The following PNPT1 variants were observed in gnomAD, a reference collection of about 807,000 sequenced individuals.
PNPT1 encodes polyribonucleotide nucleotidyltransferase 1, mitochondrial.
In PNPT1, 53 loss-of-function variants were observed where a neutral mutation model predicts 119.5. The observed-to-expected ratio is 0.44, with a 90% CI of 0.36 to 0.56. PNPT1 has a LOEUF of 0.56. Among genes scored for constraint, PNPT1 ranks in the 20% least tolerant of loss-of-function variants. PNPT1 has a pLI of 0.00. For synonymous variants in PNPT1, 357 were observed against 322.1 expected (o/e 1.11, Z -1.16); for missense variants, 948 against 938.5 (o/e 1.01, Z -0.13).
chr2:55,640,484 T>C (rs1695803260), intron 26 of PNPT1, 143 bp downstream of exon 26: 1 of 728,656 alleles, frequency 1.4e-6, no homozygotes, highest in African/African-American at 1.8e-5. Flanking sequence ...TGTAAAACTT[T>C]TTGCCAGCAG....
rs2104168371 is a variant in PNPT1 at position 55,683,773 on chromosome 2, A to G, written c.453+12T>C. 3.1e-6 allele frequency: 5 copies of G among 1,607,632 alleles called. No individual in the cohort carries two copies. In the South Asian group the frequency reaches 4.4e-5, roughly 14 times the overall value. ...TTGATCTGGCAACTAAAAAACCTAAAGCAGAATCTACCTGTGTATCATAGA... is the reference window on the plus strand; with the variant it reads ...TTGATCTGGCAACTAAAAAACCTAAGGCAGAATCTACCTGTGTATCATAGA... On this transcript the variant is annotated intron_variant, in intron 5 of 27. Coordinates refer to ENST00000447944, the MANE Select transcript of PNPT1 (RefSeq NM_033109.5).
At chr2:55,693,567 C>A in intron 1 of PNPT1, 96 bp downstream of exon 1, 1 of 1,522,358 alleles carries the variant, frequency 6.6e-7, no homozygotes, top group Non-Finnish European at 9.0e-7. Flanking sequence ...TTAAATAGAG[C>A]TGGGATACCG....
Position 55,679,718 on chromosome 2 carries a change from T to TTAAA in PNPT1, c.639_642dup (p.Asn215PhefsTer10). The TTAAA allele has an allele frequency of 6.2e-7, 1 of 1,612,082 alleles. No individual in the cohort carries two copies. ...TTAGGTGCTCCAGCAACCACTAAAT[T>TTAAA]TAAAGTACTAGAAGACATTTCTTTT... On this transcript the variant is annotated frameshift_variant, in exon 8 of 28. Coordinates refer to ENST00000447944, the MANE Select transcript of PNPT1 (RefSeq NM_033109.5). LOFTEE classifies it high-confidence loss of function.
At chr2:55,671,066 C>T (rs558824445) in intron 11 of PNPT1, among the ~76,000 whole-genome samples, 9 of 152,090 alleles carry the variant, frequency 5.9e-5, no homozygotes, top group East Asian at 3.9e-4. Context: ...TCTCTTTCCC[C>T]GAAACAGTTC....
At position 55,680,752 on chromosome 2, in the gene PNPT1, T is replaced by C. The variant is rs762310037; in HGVS notation, c.525A>G (p.Val175=). The C allele has an allele frequency of 6.2e-7, 1 of 1,613,660 alleles. No individual in the cohort carries two copies. Among genetic ancestry groups the C allele is most frequent in the East Asian group, 2.2e-5 (1 of 44,834 alleles). The part of the protein sequence containing the change: ...PDVLAINGAS[V]ALSLSDIPWN... ...AAGGAATATCTGATAATGAGAGGGC[T>C]ACGGAAGCTTAAAAAAGGAGAAAAA... Residue 175 remains valine, a synonymous_variant, in exon 7 of 28, where the codon GTA becomes GTG. Transcript: ENST00000447944.
Position 55,672,390 on chromosome 2 carries a change from G to T in PNPT1, c.867-344C>A, listed in dbSNP as rs377117943. On this transcript the variant is annotated intron_variant, in intron 9 of 27. Coordinates refer to ENST00000447944, the MANE Select transcript of PNPT1 (RefSeq NM_033109.5). ...CTCCATTATCACATGAAACTCTTTTGCTAGAAAGAGTTAATTTAATTTCCA... is the reference window on the plus strand; with the variant it reads ...CTCCATTATCACATGAAACTCTTTTTCTAGAAAGAGTTAATTTAATTTCCA... 3.9e-5 allele frequency among the ~76,000 whole-genome samples: 6 copies of T among 152,138 alleles called. No individual in the cohort carries two copies. In the East Asian group the frequency reaches 9.6e-4, roughly 24 times the overall value.
intron 18 of PNPT1, among the ~76,000 whole-genome samples, chr2:55,650,065 G>A (rs1286689500): frequency 6.6e-6 from 1 of 150,588 alleles, no homozygotes; most frequent in Admixed American, 6.7e-5. Flanking sequence ...CTTCAAATAG[G>A]AGATTTTATG....
At chr2:55,640,553 A>G in intron 26 of PNPT1, 74 bp downstream of exon 26, 1 of 1,269,704 alleles carries the variant, frequency 7.9e-7, no homozygotes, top group Non-Finnish European at 1.1e-6. Flanking sequence ...TATAATTCTT[A>G]CCAACCTAGG....
At chr2:55,658,026 C>T (rs1696445724) in intron 15 of PNPT1, among the ~76,000 whole-genome samples, 1 of 151,806 alleles carries the variant, frequency 6.6e-6, no homozygotes, top group South Asian at 2.1e-4. Flanking sequence ...CTGCTTGAGC[C>T]CAGGAGTTTG....
intron 12 of PNPT1, 138 bp downstream of exon 12, chr2:55,667,724 T>C (rs1696779637): frequency 8.7e-7 from 1 of 1,146,480 alleles, no homozygotes; most frequent in African/African-American, 1.6e-5. Context: ...TCAATAGGTG[T>C]CCATTTATAT....
intron 10 of PNPT1, among the ~76,000 whole-genome samples, chr2:55,671,748 C>T (rs1488126161): frequency 2.6e-5 from 4 of 152,226 alleles, no homozygotes; most frequent in East Asian, 3.9e-4. Context: ...GCATGAGAAT[C>T]GCTGGAAGGC....
Position 55,660,139 on chromosome 2 carries a change from G to GA in PNPT1, c.1284+17dup, listed in dbSNP as rs760450242. 2 of 1,567,792 alleles carry GA rather than the reference G, an allele frequency of 1.3e-6. No homozygotes were observed. Among genetic ancestry groups the GA allele is most frequent in the South Asian group, 1.2e-5 (1 of 82,602 alleles). On this transcript the variant is annotated intron_variant, in intron 15 of 27. Transcript: ENST00000447944. ...ATTAATTTATTAATAAAATTTTGAG[G>GA]AAAAAAATTCACCTTACCTCGTAGT...
intron 18 of PNPT1, among the ~76,000 whole-genome samples, chr2:55,650,978 C>T (rs1273240326): frequency 3.4e-5 from 5 of 146,258 alleles, no homozygotes; most frequent in African/African-American, 7.5e-5. Context: ...CCAGCCGCCC[C>T]GTCCGGGAGG....
chr2:55,686,476 C>T (rs1364799715), intron 2 of PNPT1, 32 bp from the exon 3 acceptor site: 2 of 1,560,490 alleles, frequency 1.3e-6, no homozygotes, highest in Non-Finnish European at 1.8e-6. Context: ...TGGTAAGTTC[C>T]TTTGAAATCA....
At chr2:55,692,845 T>C (rs1697660329) in intron 1 of PNPT1, among the ~76,000 whole-genome samples, 1 of 152,126 alleles carries the variant, frequency 6.6e-6, no homozygotes, top group African/African-American at 2.4e-5. Flanking sequence ...CAAGTCATCC[T>C]TCCGTCTTAG....
chr2:55,684,827 G>A (rs2104172700), intron 4 of PNPT1, 116 bp downstream of exon 4: 1 of 1,246,170 alleles, frequency 8.0e-7, no homozygotes, highest in Non-Finnish European at 1.0e-6. Context: ...ATAATCTTAG[G>A]TGGTGTTAAT....
intron 26 of PNPT1, among the ~76,000 whole-genome samples, chr2:55,640,016 A>C (rs10496045): frequency 0.03 from 4,551 of 152,106 alleles, 105 homozygotes; most frequent in South Asian, 0.089. Flanking sequence ...CTATAATACA[A>C]CTTCTAGCGT....
At chr2:55,688,187 T>G (rs1248638627) in intron 1 of PNPT1, among the ~76,000 whole-genome samples, 2 of 152,026 alleles carry the variant, frequency 1.3e-5, no homozygotes, top group Admixed American at 1.3e-4. Context: ...GGACTACATG[T>G]GCACACCACT....
chr2:55,642,294 C>T (rs138986811), intron 25 of PNPT1, among the ~76,000 whole-genome samples: 47 of 151,982 alleles, frequency 3.1e-4, no homozygotes, highest in African/African-American at 1.1e-3. Context: ...TCACCAATTA[C>T]TAGTAGAAAA....
Sources: allele counts gnomAD v4.1 joint callset (sites outside exome capture counted in the v4.1 genomes callset), GRCh38; gene constraint gnomAD v4.1.1; transcripts MANE v1.5; gene names NCBI Gene and HGNC (gene_info 2026-07-23, HGNC 2026-07-21).